The following KCNQ3 variants were observed in gnomAD, a reference collection of about 807,000 sequenced individuals.
The protein encoded by KCNQ3 is potassium voltage-gated channel subfamily Q member 3.
In KCNQ3, 30 loss-of-function variants were observed where a neutral mutation model predicts 92.5. The ratio of observed to expected loss-of-function variants is 0.32; its 90% CI spans 0.24 to 0.44. The LOEUF is 0.44. Ranked by LOEUF, KCNQ3 falls within the 20% of genes least tolerant of loss-of-function variation. The probability of loss-of-function intolerance (pLI) is 1.00; values close to 1 mark genes in which losing one functional copy is unlikely to be tolerated. For missense variants in KCNQ3, 913 were observed against 1,140.3 expected, an observed-to-expected ratio of 0.80 and a Z score of 2.87; for synonymous variants, 450 against 468.8, an observed-to-expected ratio of 0.96 and a Z score of 0.52.
chr8:132,344,389 G>T (rs1818620071), intron 1 of KCNQ3, among the ~76,000 whole-genome samples: 2 of 152,222 alleles, frequency 1.3e-5, no homozygotes, highest in Non-Finnish European at 1.5e-5. Context: ...TGAGGAAACT[G>T]CACACCTTCC....
At chr8:132,310,006 GAGA>G (rs1246631911) in intron 1 of KCNQ3, among the ~76,000 whole-genome samples, 2 of 152,192 alleles carry the variant, frequency 1.3e-5, no homozygotes, top group African/African-American at 4.8e-5. Context: ...TACAGCATAA[GAGA>G]AGGAGACTTT....
intron 1 of KCNQ3, among the ~76,000 whole-genome samples, chr8:132,283,999 T>C (rs937420833): frequency 3.9e-5 from 6 of 152,170 alleles, no homozygotes; most frequent in Admixed American, 6.5e-5. Context: ...CTCCTGTCTT[T>C]AGAAGGCTAG....
chr8:132,330,672 GAAGT>G (rs1468377743), intron 1 of KCNQ3, among the ~76,000 whole-genome samples: 2 of 152,196 alleles, frequency 1.3e-5, no homozygotes, highest in East Asian at 1.9e-4. Context: ...TAGGAGCTGG[GAAGT>G]AAGTGAGAGT....
chr8:132,368,956 A>T (rs951347929), intron 1 of KCNQ3, among the ~76,000 whole-genome samples: 1 of 152,020 alleles, frequency 6.6e-6, no homozygotes, highest in African/African-American at 2.4e-5. Flanking sequence ...ATTCCATATG[A>T]TGTTTAGTTA....
intron 1 of KCNQ3, among the ~76,000 whole-genome samples, chr8:132,461,379 C>T (rs140787089): frequency 1.8e-4 from 28 of 152,174 alleles, no homozygotes; most frequent in African/African-American, 4.3e-4. Flanking sequence ...GCCTGGCCAA[C>T]GTGGTGAAAC....
intron 9 of KCNQ3, among the ~76,000 whole-genome samples, chr8:132,144,130 C>T (rs1334683414): frequency 6.6e-6 from 1 of 152,222 alleles, no homozygotes; most frequent in African/African-American, 2.4e-5. Flanking sequence ...TCACTGCCAA[C>T]CTCAAACGGT....
chr8:132,405,420 C>G (rs755575853), intron 1 of KCNQ3, among the ~76,000 whole-genome samples: 1 of 152,224 alleles, frequency 6.6e-6, no homozygotes, highest in Non-Finnish European at 1.5e-5. Flanking sequence ...ACAATAGAGA[C>G]TGATCCAAAA....
At chr8:132,231,998 C>T (rs188734569) in intron 1 of KCNQ3, among the ~76,000 whole-genome samples, 1 of 152,294 alleles carries the variant, frequency 6.6e-6, no homozygotes, top group African/African-American at 2.4e-5. Context: ...GGAATAGTGA[C>T]TACCATCCCA....
chr8:132,204,305 C>T (rs920329562), intron 1 of KCNQ3, among the ~76,000 whole-genome samples: 10 of 152,208 alleles, frequency 6.6e-5, no homozygotes, highest in African/African-American at 2.4e-4. Context: ...TGGCCTAAGC[C>T]TTATTCTATG....
chr8:132,413,188 T>C (rs757643427), intron 1 of KCNQ3, among the ~76,000 whole-genome samples: 4 of 152,242 alleles, frequency 2.6e-5, no homozygotes, highest in Non-Finnish European at 5.9e-5. Context: ...AAGTTCCCCT[T>C]CTACCCAACA....
intron 1 of KCNQ3, among the ~76,000 whole-genome samples, chr8:132,413,204 A>G (rs1161746964): frequency 1.3e-5 from 2 of 152,266 alleles, no homozygotes; most frequent in African/African-American, 2.4e-5. Flanking sequence ...CAACACCTTC[A>G]GTGGCTCCCA....
chr8:132,224,782 G>A (rs930589666), intron 1 of KCNQ3, among the ~76,000 whole-genome samples: 11 of 152,050 alleles, frequency 7.2e-5, no homozygotes, highest in Non-Finnish European at 1.3e-4. Context: ...GCAATGCTCT[G>A]TCCTAACTTT....
chr8:132,220,031 C>T (rs988534670), intron 1 of KCNQ3, among the ~76,000 whole-genome samples: 5 of 152,122 alleles, frequency 3.3e-5, no homozygotes, highest in East Asian at 1.9e-4. Context: ...CTCTTTCCAT[C>T]GCACCATGCT....
chr8:132,135,474 C>G (rs1165950290), intron 12 of KCNQ3, among the ~76,000 whole-genome samples: 1 of 152,096 alleles, frequency 6.6e-6, no homozygotes, highest in Non-Finnish European at 1.5e-5. Context: ...TGCTCCTCCA[C>G]TGACGGCACT....
chr8:132,331,068 G>C (rs145436126), intron 1 of KCNQ3, among the ~76,000 whole-genome samples: 1,630 of 152,274 alleles, frequency 0.011, 36 homozygotes, highest in African/African-American at 0.037. Context: ...GCTGTGCCCA[G>C]CAGGGGAACA....
intron 9 of KCNQ3, among the ~76,000 whole-genome samples, chr8:132,154,156 G>A (rs1825720391): frequency 6.9e-6 from 1 of 144,516 alleles, no homozygotes; most frequent in Non-Finnish European, 1.5e-5. Flanking sequence ...CAGCGGAAGG[G>A]AACCCAGAAG....
intron 1 of KCNQ3, among the ~76,000 whole-genome samples, chr8:132,434,080 C>T (rs1408782906): frequency 2.7e-5 from 4 of 149,724 alleles, no homozygotes; most frequent in African/African-American, 7.3e-5. Flanking sequence ...TAGTGGCGGG[C>T]GCCTGTATTC....
intron 1 of KCNQ3, among the ~76,000 whole-genome samples, chr8:132,329,748 C>T (rs1818176043): frequency 6.6e-6 from 1 of 152,192 alleles, no homozygotes; most frequent in Admixed American, 6.5e-5. Context: ...ACACAGTGTT[C>T]CCCAAACTCT....
chr8:132,175,334 G>T, intron 5 of KCNQ3, 119 bp downstream of exon 5: 1 of 1,165,396 alleles, frequency 8.6e-7, no homozygotes, highest in Non-Finnish European at 1.3e-6. Context: ...TTGGTCTAGA[G>T]CTTACCTCTG....
Sources: allele counts gnomAD v4.1 joint callset (sites outside exome capture counted in the v4.1 genomes callset), GRCh38; gene constraint gnomAD v4.1.1; transcripts MANE v1.5; gene names NCBI Gene and HGNC (gene_info 2026-07-23, HGNC 2026-07-21).